Variants in PLG observed in about 807,000 individuals in gnomAD.
The protein encoded by PLG is plasmin.
PLG carries 41 observed loss-of-function variants against 104.4 expected under a neutral mutation model. The observed-to-expected ratio is 0.39, with a 90% CI of 0.31 to 0.51. The LOEUF (loss-of-function observed/expected upper bound fraction) is 0.51, where lower values mean the gene tolerates loss of function less well. PLG is among the 20% of genes least tolerant of loss of function. The pLI is 0.76. For synonymous variants in PLG, 337 were observed against 357.1 expected, an observed-to-expected ratio of 0.94 and a Z score of 0.63; for missense variants, 891 against 1,003.6, an observed-to-expected ratio of 0.89 and a Z score of 1.52.
At chr6:160,707,853 C>T (rs780993819) in intron 3 of PLG, 47 bp downstream of exon 3, 1 of 1,249,182 alleles carries the variant, frequency 8.0e-7, no homozygotes. Context: ...CCCCATCCTC[C>T]CACTCTTCCT....
rs551058645 is a variant in PLG, at chr6:160,736,953, G to C, written c.1748G>C (p.Gly583Ala). The C allele has an allele frequency of 2.3e-5, 37 of 1,613,832 alleles. No individual in the cohort carries two copies. The highest frequency in any genetic ancestry group is 2.9e-5 in the Non-Finnish European group (34 of 1,179,960). Residue 583 changes from glycine (G) to alanine (A), a missense_variant, in exon 14 of 19, where the codon GGG becomes GCG. Around this residue, in one of 2 missense-constraint regions of PLG, gnomAD observed 854 missense variants for 932.1 expected, o/e 0.92. Coordinates refer to ENST00000308192, the MANE Select transcript of PLG (RefSeq NM_000301.5). This position sits in a 1 kb window ranked among gnomAD's most constrained non-coding sequence, Gnocchi z 5.2. Reference protein sequence around the residue: ...EPKKCPGRVVGGCVAHPHSWP... With the variant: ...EPKKCPGRVVAGCVAHPHSWP... ...AAGAAATGTCCTGGAAGGGTTGTAGGGGGGTGTGTGGCCCACCCACATTCC... is the reference window on the plus strand; with the variant it reads ...AAGAAATGTCCTGGAAGGGTTGTAGCGGGGTGTGTGGCCCACCCACATTCC...
chr6:160,706,309 G>C, intron 1 of PLG, 98 bp from the exon 2 acceptor site: 1 of 1,514,700 alleles, frequency 6.6e-7, no homozygotes, highest in Admixed American at 1.7e-5. Flanking sequence ...AGTTTTATTT[G>C]GTTAATGCTA....
intron 10 of PLG, among the ~76,000 whole-genome samples, chr6:160,727,459 A>C (rs1428092412): frequency 6.6e-6 from 1 of 151,708 alleles, no homozygotes; most frequent in Non-Finnish European, 1.5e-5. Flanking sequence ...TGAGAAAAAA[A>C]AAAAACCCTA....
chr6:160,746,483 A>G (rs1778279829), intron 17 of PLG, among the ~76,000 whole-genome samples: 1 of 152,146 alleles, frequency 6.6e-6, no homozygotes, highest in African/African-American at 2.4e-5. Flanking sequence ...GCTCTGTCAG[A>G]TCCATTAGGT....
chr6:160,712,104 C>G (rs1402337329), intron 4 of PLG: 2 of 218,504 alleles, frequency 9.2e-6, no homozygotes, highest in Non-Finnish European at 1.7e-5. Context: ...TTAATGAAAA[C>G]TGATTCAACC....
intron 4 of PLG, chr6:160,711,724 G>A: frequency 1.2e-6 from 2 of 1,608,108 alleles, no homozygotes; most frequent in South Asian, 1.1e-5. Context: ...AAAAATCAAT[G>A]AAACTATGAG....
chr6:160,708,104 C>T (rs1460979118), intron 3 of PLG: 1 of 288,306 alleles, frequency 3.5e-6, no homozygotes, highest in East Asian at 8.7e-5. Flanking sequence ...TTATATTTAA[C>T]AAGGAGATGG....
At position 160,731,602 on chromosome 6, in the gene PLG, CA is replaced by C; in HGVS notation, c.1439-142del. Reference sequence around the variant, plus strand: ...GTAATTTCTTAAGGTAGGCAGCGTTCATTGCAGTCTTCAGCATTGCAGTTTC... The same window carrying C: ...GTAATTTCTTAAGGTAGGCAGCGTTCTTGCAGTCTTCAGCATTGCAGTTTC... On this transcript the variant is annotated intron_variant, in intron 11 of 18. Transcript: ENST00000308192. This position sits in a 1 kb window ranked among gnomAD's most constrained non-coding sequence, Gnocchi z 5.1. 1.3e-6 allele frequency: 1 copy of C among 790,190 alleles called. No individual in the cohort carries two copies. Among genetic ancestry groups the C allele is most frequent in the Non-Finnish European group, 2.2e-6 (1 of 452,486 alleles). The allele number at this position is 790,190 out of a possible 1,614,324, so 48.9% of individuals were successfully genotyped here. A position where few individuals can be genotyped will look rare whatever the true frequency, so the allele number is the denominator to read the frequency against.
At position 160,724,168 on chromosome 6, in the gene PLG, A is replaced by C. The variant is rs1297963277; in HGVS notation, c.1256+1601A>C. On this transcript the variant is annotated intron_variant, in intron 10 of 18. Coordinates refer to ENST00000308192, the MANE Select transcript of PLG (RefSeq NM_000301.5). The surrounding 1 kb of genome is among the most constrained non-coding windows in gnomAD (Gnocchi z 5.0). ...AAACAAATAAACCCCAAAATGAAGA[A>C]ATTGGCAAGAAGATTTGAAATATAT... Among the ~76,000 whole-genome samples, 21 of 152,230 alleles carry C rather than the reference A, an allele frequency of 1.4e-4. No homozygotes were observed. The highest frequency in any genetic ancestry group is 4.4e-5 in the Non-Finnish European group (3 of 68,036).
At chr6:160,714,351 G>T (rs1235658575) in intron 5 of PLG, among the ~76,000 whole-genome samples, 1 of 152,162 alleles carries the variant, frequency 6.6e-6, no homozygotes, top group Non-Finnish European at 1.5e-5. Flanking sequence ...AGGTCATTCA[G>T]CAGTCAGCGG....
rs1020242713 is a variant in PLG, at chr6:160,732,919, C to T, written c.1587+1026C>T. On this transcript the variant is annotated intron_variant, in intron 12 of 18. Coordinates refer to ENST00000308192, the MANE Select transcript of PLG (RefSeq NM_000301.5). The surrounding 1 kb of genome is among the most constrained non-coding windows in gnomAD (Gnocchi z 4.5). ...TTCATTACAGAGGCACAGTTGAATA[C>T]ATCGTTGGCCATTGGAGACCAGCTC... is the stretch of plus-strand genomic sequence containing the variant. 6.6e-6 allele frequency among the ~76,000 whole-genome samples: 1 copy of T among 152,154 alleles called. No homozygotes were observed. The highest frequency in any genetic ancestry group is 6.5e-5 in the Admixed American group (1 of 15,284).
chr6:160,733,537 T>G (rs1778035869), intron 12 of PLG, among the ~76,000 whole-genome samples: 1 of 128,792 alleles, frequency 7.8e-6, no homozygotes, highest in African/African-American at 3.5e-5. Context: ...ATAATAATAA[T>G]AATAATAGAA....
chr6:160,753,341 A>G lies in PLG; in HGVS notation c.*280A>G. 2.4e-6 allele frequency: 1 copy of G among 424,914 alleles called. No homozygotes were observed. The highest frequency in any genetic ancestry group is 5.1e-5 in the East Asian group (1 of 19,436). The allele number at this position is 424,914 out of a possible 1,614,324, so 26.3% of individuals were successfully genotyped here. A position where few individuals can be genotyped will look rare whatever the true frequency, so the allele number is the denominator to read the frequency against. ...CATTTTCATGCTCTTTGTTCACCCCACCAATTTTTAAATGGGCAGATGGGG... is the reference window on the plus strand; with the variant it reads ...CATTTTCATGCTCTTTGTTCACCCCGCCAATTTTTAAATGGGCAGATGGGG... On this transcript the variant is annotated 3_prime_UTR_variant, in exon 19 of 19. Coordinates refer to ENST00000308192, the MANE Select transcript of PLG (RefSeq NM_000301.5). This position sits in a 1 kb window ranked among gnomAD's most constrained non-coding sequence, Gnocchi z 5.4.
At chr6:160,716,615 G>A in intron 6 of PLG, 30 bp from the exon 7 acceptor site, 1 of 1,213,478 alleles carries the variant, frequency 8.2e-7, no homozygotes, top group Non-Finnish European at 1.2e-6. Flanking sequence ...TAAATGTTCA[G>A]TGCTACTAAA....
At chr6:160,713,971 T>C (rs1777690112) in intron 5 of PLG, among the ~76,000 whole-genome samples, 1 of 152,206 alleles carries the variant, frequency 6.6e-6, no homozygotes, top group Non-Finnish European at 1.5e-5. Context: ...TGTGTGACAG[T>C]GTGGATATGG....
Position 160,742,977 on chromosome 6 carries a change from T to A in PLG, c.2125+1560T>A, listed in dbSNP as rs187388832. Among the ~76,000 whole-genome samples the A allele has an allele frequency of 2.8e-3, 421 of 151,664 alleles. 3 individuals carry two copies. Among genetic ancestry groups the A allele is most frequent in the South Asian group, 4.2e-3 (20 of 4,792 alleles). ...GTCTGTAGGTGTGTGGCCTTATTTC[T>A]GGGCTCTCTATTCTGTTCCACTGGT... is the stretch of plus-strand genomic sequence containing the variant. On this transcript the variant is annotated intron_variant, in intron 17 of 18. Coordinates refer to ENST00000308192, the MANE Select transcript of PLG (RefSeq NM_000301.5).
In PLG at chr6:160,731,299, C is replaced by A; in HGVS notation, c.1438+67C>A. 1 of 1,366,942 alleles carries A rather than the reference C, an allele frequency of 7.3e-7. No homozygotes were observed. Among genetic ancestry groups the A allele is most frequent in the Non-Finnish European group, 1.0e-6 (1 of 955,980 alleles). 84.7% of individuals were successfully genotyped at this position (1,366,942 alleles called of 1,614,324 possible). ...GGATGAAAAGCCATGGAAAATCTCA[C>A]TGATGCAGAAACCTTCCATGCTACA... On this transcript the variant is annotated intron_variant, in intron 11 of 18. Transcript: ENST00000308192. The surrounding 1 kb of genome is among the most constrained non-coding windows in gnomAD (Gnocchi z 5.1).
chr6:160,718,906 C>G lies in PLG; in HGVS notation c.1096+68C>G, dbSNP rs375094358. 3.1e-6 allele frequency: 4 copies of G among 1,306,330 alleles called. No homozygotes were observed. In the African/African-American group the frequency reaches 5.8e-5, roughly 19 times the overall value. 80.9% of individuals were successfully genotyped at this position (1,306,330 alleles called of 1,614,324 possible). A position where few individuals can be genotyped will look rare whatever the true frequency, so the allele number is the denominator to read the frequency against. Reference sequence around the variant, plus strand: ...CCTTATTTTTGTATACCAGTGGCATCATCACAATATACAGTAGCTTTGTAA... The same window carrying G: ...CCTTATTTTTGTATACCAGTGGCATGATCACAATATACAGTAGCTTTGTAA... On this transcript the variant is annotated intron_variant, in intron 9 of 18. Transcript: ENST00000308192.
rs753547888 is a variant in PLG at position 160,706,413 on chromosome 6, G to C, written c.56G>C (p.Gly19Ala). The change falls in exon 2 of 19, where the codon GGA becomes GCA. Residue 19 changes from glycine to alanine, a missense_variant. By Grantham distance (60) the Gly-to-Ala change is moderately conservative. Coordinates refer to ENST00000308192, the MANE Select transcript of PLG (RefSeq NM_000301.5). ...LLLLFLKSGQ[G>A]EPLDDYVNTQ... ...TTGGATCTCCCACCTCTAGGTCAAG[G>C]AGAGCCTCTGGATGACTATGTGAAT... The C allele has an allele frequency of 1.2e-6, 2 of 1,612,930 alleles. No homozygotes were observed. The highest frequency in any genetic ancestry group is 2.7e-5 in the African/African-American group (2 of 74,888).
Sources: allele counts gnomAD v4.1 joint callset (sites outside exome capture counted in the v4.1 genomes callset), GRCh38; gene constraint gnomAD v4.1.1; regional missense constraint gnomAD v4.1.1; non-coding constraint Gnocchi (gnomAD v3.1); transcripts MANE v1.5; gene names NCBI Gene and HGNC (gene_info 2026-07-23, HGNC 2026-07-21).